ARRB1: variants seen among roughly 807,000 people sequenced by gnomAD.
ARRB1 encodes the protein beta-arrestin-1.
ARRB1 carries 21 observed loss-of-function variants against 56.8 expected under a neutral mutation model. The ratio of observed to expected loss-of-function variants is 0.37; its 90% CI spans 0.26 to 0.53. ARRB1 has a LOEUF of 0.53. ARRB1 is among the 20% of genes least tolerant of loss of function. ARRB1 has a pLI of 0.88. For synonymous variants in ARRB1, 210 were observed against 218.6 expected, an observed-to-expected ratio of 0.96 and a Z score of 0.35; for missense variants, 424 against 553.7, an observed-to-expected ratio of 0.77 and a Z score of 2.35.
intron 1 of ARRB1, among the ~76,000 whole-genome samples, chr11:75,328,695 C>A (rs1214813633): frequency 6.6e-6 from 1 of 152,244 alleles, no homozygotes; most frequent in Non-Finnish European, 1.5e-5. Context: ...TAGTCTGAAG[C>A]TGCAGAGGCC....
intron 1 of ARRB1, among the ~76,000 whole-genome samples, chr11:75,297,823 C>CCA (rs1946792022): frequency 7.8e-6 from 1 of 127,808 alleles, no homozygotes. Flanking sequence ...TGAGATCATG[C>CCA]CACTGCACTC....
intron 1 of ARRB1, among the ~76,000 whole-genome samples, chr11:75,304,335 A>G (rs1165263204): frequency 6.6e-6 from 1 of 152,068 alleles, no homozygotes; most frequent in Non-Finnish European, 1.5e-5. Flanking sequence ...TGCTCTGTGG[A>G]TCAGTCAGTA....
intron 1 of ARRB1, among the ~76,000 whole-genome samples, chr11:75,343,337 G>A (rs554219947): frequency 1.8e-4 from 27 of 152,266 alleles, no homozygotes; most frequent in African/African-American, 6.5e-4. Context: ...GGTCAAGTCA[G>A]CAATCAGGTA....
At position 75,268,900 on chromosome 11, in the gene ARRB1, G is replaced by C; in HGVS notation, c.1082C>G (p.Pro361Arg). 6 of 1,608,882 alleles carry C rather than the reference G, an allele frequency of 3.7e-6. No homozygotes were observed. The highest frequency in any genetic ancestry group is 5.1e-6 in the Non-Finnish European group (6 of 1,178,672). ...LMHPKPKEEP[P>R]HREVPENETP... ...CAGATTCTGCTCACCTTCCCGATGC[G>C]GGGGTTCCTCTTTGGGCTTGGGGTG... is the stretch of plus-strand genomic sequence containing the variant. The change falls in exon 14 of 16, where the codon CCG becomes CGG. Residue 361 changes from proline (P) to arginine (R), a missense_variant. By Grantham distance (103) the Pro-to-Arg change is moderately radical. Around this residue, in one of 3 missense-constraint regions of ARRB1, gnomAD observed 121 missense variants for 147.3 expected, o/e 0.82. Coordinates refer to ENST00000420843, the MANE Select transcript of ARRB1 (RefSeq NM_004041.5).
intron 1 of ARRB1, among the ~76,000 whole-genome samples, chr11:75,335,992 C>T (rs1049844571): frequency 6.6e-6 from 1 of 152,102 alleles, no homozygotes; most frequent in Non-Finnish European, 1.5e-5. Context: ...TCACAGATAC[C>T]CTGTGAGAAA....
At chr11:75,276,562 C>T (rs975944025) in intron 10 of ARRB1, among the ~76,000 whole-genome samples, 1 of 152,208 alleles carries the variant, frequency 6.6e-6, no homozygotes, top group African/African-American at 2.4e-5. Context: ...TATTTCTTCT[C>T]ACAACCCCAA....
chr11:75,322,755 A>G (rs925794841), intron 1 of ARRB1, among the ~76,000 whole-genome samples: 2 of 152,158 alleles, frequency 1.3e-5, no homozygotes, highest in East Asian at 3.9e-4. Flanking sequence ...AGGCGAATGG[A>G]AGGGCAGAGA....
At chr11:75,295,410 C>T (rs2140450449) in intron 1 of ARRB1, among the ~76,000 whole-genome samples, 1 of 152,200 alleles carries the variant, frequency 6.6e-6, no homozygotes, top group South Asian at 2.1e-4. Context: ...TGCCCACATT[C>T]CTTGGCTCAT....
chr11:75,347,266 G>A (rs534639791), intron 1 of ARRB1, among the ~76,000 whole-genome samples: 17 of 152,260 alleles, frequency 1.1e-4, no homozygotes, highest in Non-Finnish European at 2.1e-4. Flanking sequence ...CACTCCCAGC[G>A]GCCCCATGAG....
intron 12 of ARRB1, among the ~76,000 whole-genome samples, chr11:75,272,596 GC>G (rs1946094514): frequency 6.6e-6 from 1 of 152,168 alleles, no homozygotes; most frequent in Non-Finnish European, 1.5e-5. Context: ...CTCTGAGGAC[GC>G]CGTCCCCTGG....
chr11:75,274,333 C>A (rs879048254), intron 10 of ARRB1, 122 bp from the exon 11 acceptor site: 1 of 1,412,160 alleles, frequency 7.1e-7, no homozygotes. Flanking sequence ...CAACCTCTGT[C>A]CCCCAGACAC....
chr11:75,329,088 CTTTTTTTTTTTT>C (rs770989128), intron 1 of ARRB1, among the ~76,000 whole-genome samples: 1 of 103,658 alleles, frequency 9.6e-6, no homozygotes, highest in Non-Finnish European at 2.0e-5. Context: ...TGCTGTGTAA[CTTTTTTTTTTTT>C]TTTTTTTTTT....
At chr11:75,347,929 G>A (rs1947797781) in intron 1 of ARRB1, among the ~76,000 whole-genome samples, 1 of 152,110 alleles carries the variant, frequency 6.6e-6, no homozygotes, top group Non-Finnish European at 1.5e-5. Context: ...CACAGCCTTA[G>A]TTCTCAGGTT....
chr11:75,274,135 G>A lies in ARRB1; in HGVS notation c.853C>T (p.Arg285Trp). Residue 285 changes from arginine (R) to tryptophan (W), a missense_variant, in exon 11 of 16, where the codon CGG (arginine) becomes TGG (tryptophan). Coordinates refer to ENST00000420843, the MANE Select transcript of ARRB1 (RefSeq NM_004041.5). ...AGCTTCCCGTCCAAGGCGAGGCCCC[G>A]CTTCTCTCGGTTATTGGCTAGGAAG... ...TPFLANNREK[R>W]GLALDGKLKH... 3.1e-6 allele frequency: 5 copies of A among 1,614,184 alleles called. No individual in the cohort carries two copies. Among genetic ancestry groups the A allele is most frequent in the South Asian group, 2.2e-5 (2 of 91,084 alleles).
Position 75,281,938 on chromosome 11 carries a change from G to C in ARRB1, c.414+24C>G, listed in dbSNP as rs374120942. On this transcript the variant is annotated intron_variant, in intron 6 of 15. Transcript: ENST00000420843. The stretch of plus-strand genomic sequence containing the variant: ...GACATGAGACTCCTGGAGCCAGAGA[G>C]ATGGTCCCCTTGGGGTGACCTACCT... 8.8e-5 allele frequency: 142 copies of C among 1,612,370 alleles called. No individual in the cohort carries two copies. In the African/African-American group the frequency reaches 1.8e-3, roughly 20 times the overall value.
chr11:75,283,490 G>A lies in ARRB1; in HGVS notation c.158-7C>T. 3 of 1,598,676 alleles carry A rather than the reference G, an allele frequency of 1.9e-6. No individual in the cohort carries two copies. The highest frequency in any genetic ancestry group is 2.6e-6 in the Non-Finnish European group (3 of 1,170,884). ...CAGGTCAGCGTCACATAGACTGTGG[G>A]GAGCGAGGAGCACTGAGGAGGGGCC... is the stretch of plus-strand genomic sequence containing the variant. On this transcript the variant is annotated splice_polypyrimidine_tract_variant and splice_region_variant and intron_variant, in intron 4 of 15. Coordinates refer to ENST00000420843, the MANE Select transcript of ARRB1 (RefSeq NM_004041.5).
In ARRB1 at chr11:75,274,168, G is replaced by A. The variant is rs774426287; in HGVS notation, c.820C>T (p.Leu274=). 6.2e-7 allele frequency: 1 copy of A among 1,614,096 alleles called. No individual in the cohort carries two copies. The highest frequency in any genetic ancestry group is 2.2e-5 in the East Asian group (1 of 44,886). The part of the protein sequence containing the change: ...PSSTFCKVYT[L]TPFLANNREK... ...CGGTTATTGGCTAGGAAGGGGGTCA[G>A]TGTGTAGACCTTGCAGAACGTCGAG... Residue 274 remains leucine, a synonymous_variant, in exon 11 of 16, where the codon CTG becomes TTG. Transcript: ENST00000420843.
At chr11:75,345,275 G>A (rs1346653696) in intron 1 of ARRB1, among the ~76,000 whole-genome samples, 2 of 152,180 alleles carry the variant, frequency 1.3e-5, no homozygotes, top group Non-Finnish European at 2.9e-5. Context: ...AGGAGGAGGC[G>A]CGTCTCCCGA....
chr11:75,334,613 T>G (rs531128876), intron 1 of ARRB1, among the ~76,000 whole-genome samples: 1 of 152,340 alleles, frequency 6.6e-6, no homozygotes, highest in Admixed American at 6.5e-5. Flanking sequence ...TATGGTTCAT[T>G]ATTTTAACCT....
Sources: allele counts gnomAD v4.1 joint callset (sites outside exome capture counted in the v4.1 genomes callset), GRCh38; gene constraint gnomAD v4.1.1; regional missense constraint gnomAD v4.1.1; transcripts MANE v1.5; gene names NCBI Gene and HGNC (gene_info 2026-07-23, HGNC 2026-07-21).